The following JMY variants were observed in gnomAD, a reference collection of about 807,000 sequenced individuals.
The protein encoded by JMY is junction-mediating and -regulatory protein.
A neutral mutation model predicts 103.3 loss-of-function variants in JMY; 46 were observed. The observed-to-expected ratio is 0.45, with a 90% CI of 0.35 to 0.57. The LOEUF is 0.57. Among genes scored for constraint, JMY ranks in the 20% least tolerant of loss-of-function variants. JMY has a pLI of 0.00. For missense variants in JMY, 1,238 were observed against 1,255.2 expected (o/e 0.99, Z 0.21); for synonymous variants, 526 against 489.3 (o/e 1.07, Z -0.99).
chr5:79,262,321 T>C (rs558591372), intron 1 of JMY, among the ~76,000 whole-genome samples: 1 of 152,358 alleles, frequency 6.6e-6, no homozygotes, highest in African/African-American at 2.4e-5. Flanking sequence ...TAGTCTTTTA[T>C]ATGCATTATT....
rs1250195999 is a variant in JMY, at chr5:79,237,115, T to G, written c.465T>G (p.Ser155=). ...RAKPIPGQKT[S]EADDAAGAAA... Reference sequence around the variant, plus strand: ...AACCCATCCCGGGTCAGAAAACATCTGAAGCCGACGATGCGGCGGGGGCAG... The same window carrying G: ...AACCCATCCCGGGTCAGAAAACATCGGAAGCCGACGATGCGGCGGGGGCAG... The change falls in exon 1 of 11, where the codon TCT becomes TCG. Residue 155 remains serine, a synonymous_variant. Transcript: ENST00000396137. The G allele has an allele frequency of 2.6e-6, 4 of 1,548,464 alleles. No homozygotes were observed. Among genetic ancestry groups the G allele is most frequent in the Non-Finnish European group, 3.5e-6 (4 of 1,145,848 alleles).
At chr5:79,284,168 A>G in intron 2 of JMY, 1 of 1,565,346 alleles carries the variant, frequency 6.4e-7, no homozygotes, top group South Asian at 1.1e-5. Flanking sequence ...CAAAACCATC[A>G]GCTCGTTCAA....
At chr5:79,286,635 T>C (rs1276742838) in intron 2 of JMY, among the ~76,000 whole-genome samples, 1 of 148,932 alleles carries the variant, frequency 6.7e-6, no homozygotes, top group Non-Finnish European at 1.5e-5. Context: ...AGAGCAAGAC[T>C]CCATAAAAAA....
chr5:79,282,148 A>G (rs13179556), intron 2 of JMY, among the ~76,000 whole-genome samples: 2 of 152,146 alleles, frequency 1.3e-5, no homozygotes, highest in Non-Finnish European at 2.9e-5. Flanking sequence ...TGGAGCTTGC[A>G]GTGAGCCGAG....
chr5:79,248,377 G>T (rs1214198296), intron 1 of JMY, among the ~76,000 whole-genome samples: 2 of 152,082 alleles, frequency 1.3e-5, no homozygotes, highest in Non-Finnish European at 2.9e-5. Context: ...CACGATCTCG[G>T]CTCACTGCAG....
At chr5:79,272,614 A>G (rs1745818020) in intron 1 of JMY, among the ~76,000 whole-genome samples, 2 of 152,092 alleles carry the variant, frequency 1.3e-5, no homozygotes, top group African/African-American at 4.8e-5. Flanking sequence ...ATTAAACCAT[A>G]CTTGGAGTTA....
chr5:79,316,898 TAA>T (rs34558016), intron 10 of JMY, among the ~76,000 whole-genome samples: 177 of 83,618 alleles, frequency 2.1e-3, no homozygotes, highest in African/African-American at 6.4e-3. Context: ...GACTCAGTCT[TAA>T]AAAAAAAAAA....
chr5:79,236,840 G>C lies in JMY; in HGVS notation c.190G>C (p.Ala64Pro). ...GAGCGGCTCCCGGGAGCAAGCGGGG[G>C]CGCGAGGGGGCGCCGAGGCCGGCGG... ...QRSGSREQAG[A>P]RGGAEAGGAA... The change falls in exon 1 of 11, where the codon GCG becomes CCG. Residue 64 changes from alanine to proline, a missense_variant. Transcript: ENST00000396137. 1 of 1,451,844 alleles carries C rather than the reference G, an allele frequency of 6.9e-7. No individual in the cohort carries two copies. The highest frequency in any genetic ancestry group is 9.1e-7 in the Non-Finnish European group (1 of 1,096,400). 89.9% of individuals were successfully genotyped at this position (1,451,844 alleles called of 1,614,324 possible).
intron 1 of JMY, among the ~76,000 whole-genome samples, chr5:79,241,969 T>G (rs1338914705): frequency 6.6e-6 from 1 of 152,206 alleles, no homozygotes; most frequent in Non-Finnish European, 1.5e-5. Flanking sequence ...AGGTTTGACC[T>G]GGATTTTATA....
Position 79,236,835 on chromosome 5 carries a change from C to CG in JMY, c.190dup (p.Ala64GlyfsTer37). The stretch of plus-strand genomic sequence containing the variant: ...CAGAGGAGCGGCTCCCGGGAGCAAG[C>CG]GGGGGCGCGAGGGGGCGCCGAGGCC... On this transcript the variant is annotated frameshift_variant, in exon 1 of 11. Coordinates refer to ENST00000396137, the MANE Select transcript of JMY (RefSeq NM_152405.5). LOFTEE classifies it high-confidence loss of function. 6.9e-7 allele frequency: 1 copy of CG among 1,455,714 alleles called. No homozygotes were observed. Among genetic ancestry groups the CG allele is most frequent in the East Asian group, 3.0e-5 (1 of 33,290 alleles). The allele number at this position is 1,455,714 out of a possible 1,614,324, so 90.2% of individuals were successfully genotyped here. A position where few individuals can be genotyped will look rare whatever the true frequency, so the allele number is the denominator to read the frequency against.
chr5:79,297,526 C>G (rs375591104), intron 4 of JMY, among the ~76,000 whole-genome samples: 1 of 152,288 alleles, frequency 6.6e-6, no homozygotes, highest in African/African-American at 2.4e-5. Flanking sequence ...CCGCTCCATA[C>G]CTCTTCATGC....
At chr5:79,306,316 G>T in intron 6 of JMY, 59 bp from the exon 7 acceptor site, 1 of 1,171,598 alleles carries the variant, frequency 8.5e-7, no homozygotes, top group South Asian at 1.2e-5. Flanking sequence ...TAACCTTGGT[G>T]TGGTGTTCAG....
chr5:79,306,291 A>G (rs1407820683), intron 6 of JMY, 84 bp from the exon 7 acceptor site: 6 of 929,756 alleles, frequency 6.5e-6, no homozygotes, highest in Non-Finnish European at 1.0e-5. Flanking sequence ...GGTGGTATAT[A>G]TTAAGATCAA....
At chr5:79,287,965 A>G (rs1293862938) in intron 2 of JMY, among the ~76,000 whole-genome samples, 3 of 152,218 alleles carry the variant, frequency 2.0e-5, no homozygotes, top group Non-Finnish European at 2.9e-5. Context: ...CATACTTGTA[A>G]ATACTAATTG....
In JMY at chr5:79,237,271, G is replaced by C; in HGVS notation, c.621G>C (p.Ala207=). The change falls in exon 1 of 11, where the codon GCG becomes GCC. Residue 207 remains alanine (A), a synonymous_variant. Transcript: ENST00000396137. ...TGAAGGAGGACGAGGCACCTCTGGC[G>C]CTCTCGGACGCGGAGCAGCCGCCGC... The part of the protein sequence containing the change: ...EMVKEDEAPL[A]LSDAEQPPPA... 6.4e-7 allele frequency: 1 copy of C among 1,552,336 alleles called. No individual in the cohort carries two copies. Among genetic ancestry groups the C allele is most frequent in the Non-Finnish European group, 8.7e-7 (1 of 1,147,820 alleles).
chr5:79,279,662 GGACAGTCACAC>G (rs1746051256), intron 2 of JMY, among the ~76,000 whole-genome samples: 1 of 152,072 alleles, frequency 6.6e-6, no homozygotes, highest in African/African-American at 2.4e-5. Context: ...GTGGAGAGTA[GGACAGTCACAC>G]GACTTAGACA....
chr5:79,250,388 G>A (rs761735417), intron 1 of JMY, among the ~76,000 whole-genome samples: 3 of 152,056 alleles, frequency 2.0e-5, no homozygotes, highest in South Asian at 2.1e-4. Context: ...CAGTTAAAAC[G>A]GTGATTCTAG....
At chr5:79,315,294 A>G (rs1257149420) in intron 9 of JMY, among the ~76,000 whole-genome samples, 2 of 152,244 alleles carry the variant, frequency 1.3e-5, no homozygotes, top group Non-Finnish European at 2.9e-5. Flanking sequence ...GAAGCAAAGA[A>G]GAACAGGGAG....
In JMY at chr5:79,239,108, G is replaced by C. The variant is rs116685759; in HGVS notation, c.1032+1426G>C. On this transcript the variant is annotated intron_variant, in intron 1 of 10. Transcript: ENST00000396137. ...GAATATTAGATATTTTTCTTTATTA[G>C]ATTTGAGTATTTAAGAAATGTTTGT... Among the ~76,000 whole-genome samples, 1,400 of 152,186 alleles carry C rather than the reference G, an allele frequency of 9.2e-3. 21 individuals are homozygous for C. The highest frequency in any genetic ancestry group is 0.031 in the African/African-American group (1,299 of 41,516).
Sources: allele counts gnomAD v4.1 joint callset (sites outside exome capture counted in the v4.1 genomes callset), GRCh38; gene constraint gnomAD v4.1.1; transcripts MANE v1.5; gene names NCBI Gene and HGNC (gene_info 2026-07-23, HGNC 2026-07-21).